SUPT5H: variants seen among roughly 807,000 people sequenced by gnomAD.
SUPT5H encodes the protein transcription elongation factor SPT5.
A neutral mutation model predicts 142.5 loss-of-function variants in SUPT5H; 24 were observed. The ratio of observed to expected loss-of-function variants is 0.17; its 90% CI spans 0.12 to 0.24. SUPT5H has a LOEUF of 0.24. Among genes scored for constraint, SUPT5H ranks in the 10% least tolerant of loss-of-function variants. SUPT5H has a pLI of 1.00. For synonymous variants in SUPT5H, 546 were observed against 553.0 expected, an observed-to-expected ratio of 0.99 and a Z score of 0.18; for missense variants, 893 against 1,471.8, an observed-to-expected ratio of 0.61 and a Z score of 6.43.
At chr19:39,465,204 G>A (rs1399208578) in intron 11 of SUPT5H, among the ~76,000 whole-genome samples, 155 bp downstream of exon 11, 3 of 152,202 alleles carry the variant, frequency 2.0e-5, no homozygotes, top group Non-Finnish European at 4.4e-5. Context: ...CACAGGAAAC[G>A]GTTGGCTGTC....
Position 39,466,757 on chromosome 19 carries a change from TG to T in SUPT5H, c.1037+16del, listed in dbSNP as rs770921734. ...GCTGAGAAGATCAGGTGCGTGTCCTTGGGGACTGGCTGGGCTGGGTCCCCAG... is the reference window on the plus strand; with the variant it reads ...GCTGAGAAGATCAGGTGCGTGTCCTTGGGACTGGCTGGGCTGGGTCCCCAG... On this transcript the variant is annotated intron_variant, in intron 13 of 29. Coordinates refer to ENST00000432763, the MANE Select transcript of SUPT5H (RefSeq NM_001111020.3). This position sits in a 1 kb window ranked among gnomAD's most constrained non-coding sequence, Gnocchi z 4.3. The T allele has an allele frequency of 5.0e-6, 8 of 1,614,078 alleles. No individual in the cohort carries two copies. The South Asian group carries it at 8.8e-5, about 18-fold the overall frequency.
chr19:39,459,288 G>A (rs200993625), intron 8 of SUPT5H, 39 bp downstream of exon 8: 124 of 1,552,570 alleles, frequency 8.0e-5, no homozygotes, highest in Non-Finnish European at 2.5e-5. Flanking sequence ...GCTGGGGTGC[G>A]AATCTTGTAT....
At position 39,453,234 on chromosome 19, in the gene SUPT5H, CA is replaced by C. The variant is rs113831296; in HGVS notation, c.76-121del. On this transcript the variant is annotated intron_variant, in intron 2 of 29. Transcript: ENST00000432763. ...CAGGCTAGAGTGAAAGGGATATATG[CA>C]GAGCAAAGTGGGCTATGATTGGCCA... 3.7e-4 allele frequency: 448 copies of C among 1,197,484 alleles called. 4 individuals carry two copies. The African/African-American group carries it at 6.2e-3, about 17-fold the overall frequency. The allele number at this position is 1,197,484 out of a possible 1,614,324, so 74.2% of individuals were successfully genotyped here.
At chr19:39,471,981 C>T in intron 20 of SUPT5H, 1 of 553,300 alleles carries the variant, frequency 1.8e-6, no homozygotes, top group South Asian at 2.5e-5. Flanking sequence ...CAGTGGTGAA[C>T]AAGACAAAAA....
At position 39,472,846 on chromosome 19, in the gene SUPT5H, G is replaced by A. The variant is rs1229742556; in HGVS notation, c.2072G>A (p.Ser691Asn). ...GGCTTTGGTAGCCCAGGTGGCGGCA[G>A]TGGTGGCATGAGCAGGGGCCGGGGC... ...RGGFGSPGGG[S>N]GGMSRGRGRR... Residue 691 changes from serine to asparagine, a missense_variant, in exon 22 of 30, where the codon AGT becomes AAT. This residue lies in a region of SUPT5H where 35 missense variants were observed against 29.7 expected (regional missense o/e 1.18). Coordinates refer to ENST00000432763, the MANE Select transcript of SUPT5H (RefSeq NM_001111020.3). The surrounding 1 kb of genome is among the most constrained non-coding windows in gnomAD (Gnocchi z 4.2). 9.3e-6 allele frequency: 15 copies of A among 1,613,644 alleles called. No individual in the cohort carries two copies. The highest frequency in any genetic ancestry group is 1.1e-5 in the Non-Finnish European group (13 of 1,179,822).
chr19:39,454,367 T>A (rs1195618214), intron 3 of SUPT5H, among the ~76,000 whole-genome samples: 2 of 151,674 alleles, frequency 1.3e-5, no homozygotes, highest in African/African-American at 4.8e-5. Context: ...TTTTTTTTTT[T>A]TTTTTTGAGA....
intron 3 of SUPT5H, among the ~76,000 whole-genome samples, chr19:39,455,517 G>A (rs1444363196): frequency 6.6e-6 from 1 of 151,806 alleles, no homozygotes; most frequent in South Asian, 2.1e-4. Context: ...AGCCGAGATT[G>A]CTGCACTCTA....
At chr19:39,468,687 A>C in intron 13 of SUPT5H, 69 bp from the exon 14 acceptor site, 2 of 1,400,540 alleles carry the variant, frequency 1.4e-6, no homozygotes, top group Non-Finnish European at 2.0e-6. Flanking sequence ...CCAGCTGAGA[A>C]GACTGAGGTA....
Position 39,476,650 on chromosome 19 carries a change from A to C in SUPT5H, c.*251A>C. 1.9e-6 allele frequency: 1 copy of C among 531,102 alleles called. No individual in the cohort carries two copies. The highest frequency in any genetic ancestry group is 3.3e-5 in the East Asian group (1 of 30,488). The allele number at this position is 531,102 out of a possible 1,614,324, so 32.9% of individuals were successfully genotyped here. On this transcript the variant is annotated 3_prime_UTR_variant, in exon 30 of 30. Transcript: ENST00000432763. ...TTTTGTTGTACCGTCTTTCAATAAA[A>C]AGAAGCTGTTTGGTCTAAAAGTGCG... is the stretch of plus-strand genomic sequence containing the variant.
In SUPT5H at chr19:39,453,423, A is replaced by T. The variant is rs138303744; in HGVS notation, c.143A>T (p.Glu48Val). The T allele has an allele frequency of 4.3e-5, 68 of 1,583,128 alleles. No individual in the cohort carries two copies. In the Middle Eastern group the frequency reaches 5.0e-4, roughly 12 times the overall value. ...GAAGAGCCTGAGGACGAAGAGGAGG[A>T]GGAAGAGGAGGAGGAATACGATGAG... ...KEEEPEDEEE[E>V]EEEEEYDEEE... is the part of the protein sequence containing the mutation. The change falls in exon 3 of 30, where the codon GAG becomes GTG. Residue 48 changes from glutamate to valine, a missense_variant. Physicochemically the swap from Glu to Val is moderately radical, Grantham distance 121. This residue lies in a region of SUPT5H where 70 missense variants were observed against 70.5 expected (regional missense o/e 0.99). Transcript: ENST00000432763.
chr19:39,462,734 T>C (rs940097386), intron 10 of SUPT5H, among the ~76,000 whole-genome samples: 2 of 151,748 alleles, frequency 1.3e-5, no homozygotes, highest in Non-Finnish European at 2.9e-5. Context: ...TTTCAGCATG[T>C]TGGCCAGGCT....
At chr19:39,446,206 A>G (rs938786680) in intron 2 of SUPT5H, among the ~76,000 whole-genome samples, 1 of 152,202 alleles carries the variant, frequency 6.6e-6, no homozygotes, top group African/African-American at 2.4e-5. Context: ...CTCTGTGTGC[A>G]TATAGTAAGC....
chr19:39,466,851 G>A lies in SUPT5H; in HGVS notation c.1037+106G>A. On this transcript the variant is annotated intron_variant, in intron 13 of 29. Coordinates refer to ENST00000432763, the MANE Select transcript of SUPT5H (RefSeq NM_001111020.3). This position sits in a 1 kb window ranked among gnomAD's most constrained non-coding sequence, Gnocchi z 4.3. Reference sequence around the variant, plus strand: ...GGTGGCCCCGCCACAGGTTTAGCCTGTGAATTGGTTAGCTTGGCAGTATAG... The same window carrying A: ...GGTGGCCCCGCCACAGGTTTAGCCTATGAATTGGTTAGCTTGGCAGTATAG... 1 of 1,093,138 alleles carries A rather than the reference G, an allele frequency of 9.1e-7. No individual in the cohort carries two copies. The highest frequency in any genetic ancestry group is 1.3e-5 in the South Asian group (1 of 79,246). The allele number at this position is 1,093,138 out of a possible 1,614,324, so 67.7% of individuals were successfully genotyped here. A position where few individuals can be genotyped will look rare whatever the true frequency, so the allele number is the denominator to read the frequency against.
At position 39,474,180 on chromosome 19, in the gene SUPT5H, C is replaced by T; in HGVS notation, c.2652-54C>T. 6.2e-7 allele frequency: 1 copy of T among 1,612,028 alleles called. No individual in the cohort carries two copies. ...TGCCCAAACCCTCCTACTGCCACCA[C>T]CTCTTTTCCCCTCCCTCCTCCAACA... On this transcript the variant is annotated intron_variant, in intron 26 of 29. Coordinates refer to ENST00000432763, the MANE Select transcript of SUPT5H (RefSeq NM_001111020.3). This position sits in a 1 kb window ranked among gnomAD's most constrained non-coding sequence, Gnocchi z 6.5.
Position 39,470,006 on chromosome 19 carries a change from A to G in SUPT5H, c.1375-113A>G. 4 of 1,403,016 alleles carry G rather than the reference A, an allele frequency of 2.9e-6. No homozygotes were observed. Among genetic ancestry groups the G allele is most frequent in the Non-Finnish European group, 3.9e-6 (4 of 1,025,918 alleles). 86.9% of individuals were successfully genotyped at this position (1,403,016 alleles called of 1,614,324 possible). A position where few individuals can be genotyped will look rare whatever the true frequency, so the allele number is the denominator to read the frequency against. On this transcript the variant is annotated intron_variant, in intron 16 of 29. Transcript: ENST00000432763. This position sits in a 1 kb window ranked among gnomAD's most constrained non-coding sequence, Gnocchi z 5.8. ...CTAAGGTAGTCTGGGGTGGGTGGTA[A>G]GAGCCTGAAGTGGGGTTTTTGAGAA...
At chr19:39,447,797 A>T (rs1356118263) in intron 2 of SUPT5H, among the ~76,000 whole-genome samples, 1 of 152,150 alleles carries the variant, frequency 6.6e-6, no homozygotes, top group Non-Finnish European at 1.5e-5. Context: ...ACTGTGTTCC[A>T]CTTACTTCTC....
rs1295806346 is a variant in SUPT5H, at chr19:39,470,190, T to A, written c.1446T>A (p.Ala482=). 1.2e-6 allele frequency: 2 copies of A among 1,611,470 alleles called. No homozygotes were observed. The highest frequency in any genetic ancestry group is 2.7e-5 in the African/African-American group (2 of 74,836). The change falls in exon 17 of 30, where the codon GCT becomes GCA. Residue 482 remains alanine, a synonymous_variant. Coordinates refer to ENST00000432763, the MANE Select transcript of SUPT5H (RefSeq NM_001111020.3). The surrounding 1 kb of genome is among the most constrained non-coding windows in gnomAD (Gnocchi z 5.8). ...TGGGGGACCACGTGAAGGTGATTGCTGGCCGATTCGAGGGCGACACAGGCC... is the reference window on the plus strand; with the variant it reads ...TGGGGGACCACGTGAAGGTGATTGCAGGCCGATTCGAGGGCGACACAGGCC... The part of the protein sequence containing the change: ...FKMGDHVKVI[A]GRFEGDTGLI...
chr19:39,455,628 T>C (rs1053139936), intron 3 of SUPT5H, among the ~76,000 whole-genome samples: 38 of 96,886 alleles, frequency 3.9e-4, no homozygotes, highest in Non-Finnish European at 6.7e-4. Context: ...TCTTTTCTTC[T>C]TTTTTTTTTT....
chr19:39,446,745 C>T (rs2078959395), intron 2 of SUPT5H, among the ~76,000 whole-genome samples: 1 of 152,230 alleles, frequency 6.6e-6, no homozygotes, highest in Non-Finnish European at 1.5e-5. Flanking sequence ...TGGTGGCTCA[C>T]ACCTGTAATC....
Sources: gnomAD v4.1 joint callset for allele counts (sites outside exome capture counted in the v4.1 genomes callset) on GRCh38, gnomAD v4.1.1 for gene constraint, gnomAD v4.1.1 regional missense constraint, Gnocchi (gnomAD v3.1) non-coding constraint, MANE v1.5 for transcripts, NCBI Gene and HGNC (gene_info 2026-07-23, HGNC 2026-07-21) for gene names.